Variants in NCEH1 observed in about 807,000 individuals in gnomAD.
NCEH1 encodes neutral cholesterol ester hydrolase 1, also known as 2-acetyl MAGE hydrolase.
In NCEH1, 9 loss-of-function variants were observed where a neutral mutation model predicts 25.4. The observed-to-expected ratio is 0.35, with a 90% CI of 0.21 to 0.62. The LOEUF is 0.62. Ranked by LOEUF, NCEH1 falls within the 20% of genes least tolerant of loss-of-function variation. NCEH1 has a pLI of 0.72. For synonymous variants in NCEH1, 200 were observed against 199.8 expected (o/e 1.00, Z -0.01); for missense variants, 412 against 501.1 (o/e 0.82, Z 1.70).
intron 1 of NCEH1, among the ~76,000 whole-genome samples, chr3:172,687,301 C>A (rs1050618656): frequency 6.6e-6 from 1 of 152,118 alleles, no homozygotes; most frequent in East Asian, 1.9e-4. Context: ...GTTTTCACCC[C>A]TTGGAGTTCA....
At chr3:172,657,093 G>A (rs1717732305) in intron 1 of NCEH1, among the ~76,000 whole-genome samples, 1 of 151,962 alleles carries the variant, frequency 6.6e-6, no homozygotes, top group Admixed American at 6.6e-5. Flanking sequence ...TTTAAATGAT[G>A]ATGTTCTCAA....
intron 1 of NCEH1, among the ~76,000 whole-genome samples, chr3:172,690,888 A>T (rs1264389162): frequency 6.6e-6 from 1 of 151,608 alleles, no homozygotes; most frequent in African/African-American, 2.4e-5. Flanking sequence ...AAATTTCTAT[A>T]GCATGATTAT....
chr3:172,635,070 C>T (rs759992593), intron 4 of NCEH1, among the ~76,000 whole-genome samples: 6 of 152,208 alleles, frequency 3.9e-5, no homozygotes, highest in African/African-American at 7.2e-5. Flanking sequence ...TCCAGGGCCC[C>T]GCAGCACTCA....
In NCEH1 at chr3:172,710,778, G is replaced by A. The variant is rs1714255976; in HGVS notation, c.138+69C>T. The A allele has an allele frequency of 6.4e-6, 10 of 1,560,804 alleles. No homozygotes were observed. The Admixed American group carries it at 9.0e-5, about 14-fold the overall frequency. ...TGCGTTTTCGTGGAACCCGGCGGAG[G>A]AATTTTGTATCCCCTTCAAATATTG... On this transcript the variant is annotated intron_variant, in intron 1 of 4. Transcript: ENST00000475381.
rs1553830302 is a variant in NCEH1 at position 172,653,735 on chromosome 3, G to GTT, written c.139-5623_139-5622dup. On this transcript the variant is annotated intron_variant, in intron 1 of 4. Transcript: ENST00000475381. ...TTGTTTTTGTTGTTGTTGTTGTTCT[G>GTT]TTTTTTTTGTTTTTTTGTTTTTTTG... Among the ~76,000 whole-genome samples, 130 of 70,988 alleles carry GTT rather than the reference G, an allele frequency of 1.8e-3. 2 individuals carry two copies. The highest frequency in any genetic ancestry group is 5.9e-3 in the East Asian group (9 of 1,528). 46.6% of individuals were successfully genotyped at this position (70,988 alleles called of 152,430 possible). A position where few individuals can be genotyped will look rare whatever the true frequency, so the allele number is the denominator to read the frequency against.
chr3:172,638,419 C>A (rs1716701770), intron 3 of NCEH1, among the ~76,000 whole-genome samples: 2 of 146,762 alleles, frequency 1.4e-5, no homozygotes, highest in African/African-American at 5.0e-5. Context: ...GTTGATTTTT[C>A]ACTATGTATG....
At chr3:172,692,019 G>C (rs1713091675) in intron 1 of NCEH1, among the ~76,000 whole-genome samples, 1 of 150,870 alleles carries the variant, frequency 6.6e-6, no homozygotes, top group Admixed American at 6.6e-5. Flanking sequence ...AGGTGAGAGG[G>C]AAACCAGACT....
At chr3:172,674,981 A>C (rs952545796) in intron 1 of NCEH1, among the ~76,000 whole-genome samples, 3 of 152,202 alleles carry the variant, frequency 2.0e-5, no homozygotes, top group Admixed American at 1.3e-4. Context: ...CTAAGCTATG[A>C]AAAAAAGGTT....
At chr3:172,672,693 G>C (rs1285209895) in intron 1 of NCEH1, among the ~76,000 whole-genome samples, 1 of 152,152 alleles carries the variant, frequency 6.6e-6, no homozygotes, top group Non-Finnish European at 1.5e-5. Flanking sequence ...ACCAGGAGGA[G>C]GCCCAAAAGA....
intron 1 of NCEH1, among the ~76,000 whole-genome samples, chr3:172,669,510 A>G (rs977519738): frequency 9.9e-5 from 15 of 152,216 alleles, no homozygotes; most frequent in African/African-American, 2.9e-4. Context: ...ACTTCCAGGT[A>G]TTAACAGATT....
chr3:172,704,733 G>A (rs748698319), intron 1 of NCEH1, among the ~76,000 whole-genome samples: 5 of 152,222 alleles, frequency 3.3e-5, no homozygotes. Flanking sequence ...AGGTAGGCAC[G>A]TTGGCTTATG....
chr3:172,647,861 C>A (rs763250621), intron 2 of NCEH1, 25 bp downstream of exon 2: 17 of 1,613,294 alleles, frequency 1.1e-5, no homozygotes, highest in Non-Finnish European at 1.4e-5. Context: ...CAACAACAAA[C>A]CATCTGAAGG....
chr3:172,653,314 AC>A (rs1027716959), intron 1 of NCEH1, among the ~76,000 whole-genome samples: 1 of 152,080 alleles, frequency 6.6e-6, no homozygotes, highest in African/African-American at 2.4e-5. Context: ...ATCAAAGGAA[AC>A]CAAGCAGAAA....
At chr3:172,694,640 G>A (rs1372228920) in intron 1 of NCEH1, among the ~76,000 whole-genome samples, 1 of 152,226 alleles carries the variant, frequency 6.6e-6, no homozygotes, top group African/African-American at 2.4e-5. Flanking sequence ...ACAGGTGCCT[G>A]GAGTGCACTT....
Position 172,656,913 on chromosome 3 carries a change from A to C in NCEH1, c.139-8799T>G, listed in dbSNP as rs929427549. Among the ~76,000 whole-genome samples, 9 of 152,194 alleles carry C rather than the reference A, an allele frequency of 5.9e-5. No homozygotes were observed. The South Asian group carries it at 1.9e-3, about 32-fold the overall frequency. ...ATGCCAATGCCGATGCCAATGACCC[A>C]CTTGGCCTCACTGCAGACATTTGAC... On this transcript the variant is annotated intron_variant, in intron 1 of 4. Coordinates refer to ENST00000475381, the MANE Select transcript of NCEH1 (RefSeq NM_020792.6).
At chr3:172,676,604 C>G (rs1712022396) in intron 1 of NCEH1, among the ~76,000 whole-genome samples, 1 of 152,098 alleles carries the variant, frequency 6.6e-6, no homozygotes. Context: ...TCTCGTCGTT[C>G]GAATCCCCCC....
intron 3 of NCEH1, among the ~76,000 whole-genome samples, chr3:172,639,697 G>A (rs1716761568): frequency 6.6e-6 from 1 of 152,188 alleles, no homozygotes; most frequent in South Asian, 2.1e-4. Flanking sequence ...GGGAGAGGAT[G>A]ACTCTGCAAT....
chr3:172,701,445 T>C (rs1194304140), intron 1 of NCEH1, among the ~76,000 whole-genome samples: 1 of 127,006 alleles, frequency 7.9e-6, no homozygotes, highest in Non-Finnish European at 1.6e-5. Flanking sequence ...AGATGGTCTT[T>C]TGCCTTTTTT....
Position 172,647,956 on chromosome 3 carries a change from C to T in NCEH1, c.297G>A (p.Pro99=), listed in dbSNP as rs149025248. ...GVEVRVFEGP[P]KPEEPLKRSV... ...TGCGTTTCAGTGGCTCTTCGGGCTT[C>T]GGAGGGCCTTCAAACACTCTGACTT... The change falls in exon 2 of 5, where the codon CCG becomes CCA. Residue 99 remains proline, a synonymous_variant. Coordinates refer to ENST00000475381, the MANE Select transcript of NCEH1 (RefSeq NM_020792.6). The T allele has an allele frequency of 2.0e-5, 32 of 1,614,072 alleles. No individual in the cohort carries two copies. Among genetic ancestry groups the T allele is most frequent in the South Asian group, 4.4e-5 (4 of 91,084 alleles).
Sources: gnomAD v4.1 joint callset for allele counts (sites outside exome capture counted in the v4.1 genomes callset) on GRCh38, gnomAD v4.1.1 for gene constraint, MANE v1.5 for transcripts, NCBI Gene and HGNC (gene_info 2026-07-23, HGNC 2026-07-21) for gene names.